Variants in IL34 observed in about 807,000 individuals in gnomAD.
IL34 encodes interleukin-34.
IL34 carries 17 observed loss-of-function variants against 25.3 expected under a neutral mutation model. That is an observed-to-expected ratio of 0.67 (90% CI 0.46 to 1.01). The LOEUF is 1.01. Ranked by LOEUF, IL34 falls within the 50% of genes least tolerant of loss-of-function variation. The probability of loss-of-function intolerance (pLI) is 0.00; values close to 1 mark genes in which losing one functional copy is unlikely to be tolerated. For synonymous variants in IL34, 174 were observed against 140.9 expected (o/e 1.23, Z -1.66); for missense variants, 368 against 312.9 (o/e 1.18, Z -1.33).
chr16:70,586,119 A>G (rs909847231), intron 1 of IL34, among the ~76,000 whole-genome samples: 1 of 152,132 alleles, frequency 6.6e-6, no homozygotes, highest in Admixed American at 6.5e-5. Context: ...GGCATGAGCC[A>G]CCGCCCCCAG....
intron 1 of IL34, among the ~76,000 whole-genome samples, chr16:70,592,120 C>G (rs1269793698): frequency 6.6e-6 from 1 of 151,974 alleles, no homozygotes; most frequent in African/African-American, 2.4e-5. Context: ...CTTGTCTCTA[C>G]CATACTGGGT....
At chr16:70,634,734 C>G (rs981739653) in intron 1 of IL34, among the ~76,000 whole-genome samples, 7 of 151,958 alleles carry the variant, frequency 4.6e-5, no homozygotes, top group Admixed American at 1.3e-4. Flanking sequence ...CAGTCAGATC[C>G]TTACCACCAC....
chr16:70,586,112 A>G (rs894184659), intron 1 of IL34, among the ~76,000 whole-genome samples: 33 of 152,110 alleles, frequency 2.2e-4, no homozygotes, highest in African/African-American at 7.7e-4. Context: ...GATTACAGGC[A>G]TGAGCCACCG....
intron 3 of IL34, 87 bp downstream of exon 3, chr16:70,656,766 G>T (rs2052235081): frequency 2.1e-6 from 2 of 954,774 alleles, no homozygotes; most frequent in African/African-American, 3.2e-5. Context: ...GGACTGGCAG[G>T]TGGTGCTGCT....
At chr16:70,609,951 C>A (rs1467201105) in intron 1 of IL34, among the ~76,000 whole-genome samples, 1 of 152,188 alleles carries the variant, frequency 6.6e-6, no homozygotes, top group African/African-American at 2.4e-5. Flanking sequence ...TGCCTGTAAT[C>A]CCAGCACTTT....
At chr16:70,632,101 CAAAAAAA>C (rs71151199) in intron 1 of IL34, among the ~76,000 whole-genome samples, 1 of 106,746 alleles carries the variant, frequency 9.4e-6, no homozygotes, top group Non-Finnish European at 1.9e-5. Context: ...GACCCTGTCT[CAAAAAAA>C]AAAAAAAAAA....
Position 70,646,917 on chromosome 16 carries a change from C to A in IL34, c.-31C>A. 1 of 1,481,314 alleles carries A rather than the reference C, an allele frequency of 6.8e-7. No individual in the cohort carries two copies. Among genetic ancestry groups the A allele is most frequent in the South Asian group, 1.4e-5 (1 of 73,090 alleles). 91.8% of individuals were successfully genotyped at this position (1,481,314 alleles called of 1,614,324 possible). A position where few individuals can be genotyped will look rare whatever the true frequency, so the allele number is the denominator to read the frequency against. The stretch of plus-strand genomic sequence containing the variant: ...GTGGACACACTGCTGGGGACGGCGC[C>A]TGAGCTCTCAGGGGGACGAGGAACA... On this transcript the variant is annotated 5_prime_UTR_variant, in exon 1 of 6. It adds an upstream start codon to the 5' untranslated region. Coordinates refer to ENST00000288098, the MANE Select transcript of IL34 (RefSeq NM_001393494.1).
At chr16:70,655,357 T>C (rs1282178852) in intron 2 of IL34, among the ~76,000 whole-genome samples, 3 of 151,646 alleles carry the variant, frequency 2.0e-5, no homozygotes, top group Non-Finnish European at 4.4e-5. Flanking sequence ...GGCCCTTTTT[T>C]TTTCTTTTTA....
intron 1 of IL34, among the ~76,000 whole-genome samples, chr16:70,614,183 CAAAA>C (rs35356831): frequency 1.5e-5 from 2 of 131,120 alleles, no homozygotes; most frequent in Non-Finnish European, 1.6e-5. Context: ...AACCCTGTCT[CAAAA>C]AAAAAAAAAA....
At chr16:70,615,233 G>C (rs1358796203) in intron 1 of IL34, among the ~76,000 whole-genome samples, 1 of 152,206 alleles carries the variant, frequency 6.6e-6, no homozygotes, top group Non-Finnish European at 1.5e-5. Context: ...CACTGGCCAG[G>C]TGTGGTGGCT....
chr16:70,650,124 C>G lies in IL34; in HGVS notation c.28+3149C>G, dbSNP rs556906653. The stretch of plus-strand genomic sequence containing the variant: ...TGTGTTGTGGGTTCTTACCTCTGGG[C>G]TAAGACAAGGGCAGGGTGGGTCTCC... On this transcript the variant is annotated intron_variant, in intron 1 of 5. Coordinates refer to ENST00000288098, the MANE Select transcript of IL34 (RefSeq NM_001393494.1). Among the ~76,000 whole-genome samples, 4 of 152,222 alleles carry G rather than the reference C, an allele frequency of 2.6e-5. No homozygotes were observed. In the South Asian group the frequency reaches 8.3e-4, roughly 32 times the overall value.
At chr16:70,625,879 T>C (rs901415068) in intron 1 of IL34, among the ~76,000 whole-genome samples, 3 of 152,150 alleles carry the variant, frequency 2.0e-5, no homozygotes, top group African/African-American at 7.2e-5. Context: ...GATTTGAAAT[T>C]GGTGAGATGT....
chr16:70,614,559 C>A (rs1333636049), intron 1 of IL34, among the ~76,000 whole-genome samples: 2 of 152,158 alleles, frequency 1.3e-5, no homozygotes, highest in Admixed American at 6.5e-5. Context: ...GAACACGGAA[C>A]CTGTTTTGTT....
At chr16:70,622,636 G>A (rs1418409281) in intron 1 of IL34, among the ~76,000 whole-genome samples, 25 of 152,026 alleles carry the variant, frequency 1.6e-4, no homozygotes, top group Admixed American at 1.6e-3. Context: ...GAGAGATACA[G>A]TCATGGGGGT....
chr16:70,637,672 TA>T lies in IL34; in HGVS notation c.-400-8874del, dbSNP rs376993629. On this transcript the variant is annotated intron_variant, in intron 1 of 6. Transcript: ENST00000429149. The stretch of plus-strand genomic sequence containing the variant: ...GTTAATTTCTATATGTGGTATGAGA[TA>T]AGGGTTGAGTTTAATTTTTTATATA... 1.5e-3 allele frequency among the ~76,000 whole-genome samples: 231 copies of T among 152,302 alleles called. 3 individuals are homozygous for T. The highest frequency in any genetic ancestry group is 5.1e-3 in the African/African-American group (210 of 41,570).
chr16:70,638,414 C>G (rs536245812), intron 1 of IL34, among the ~76,000 whole-genome samples: 168 of 148,640 alleles, frequency 1.1e-3, no homozygotes, highest in Middle Eastern at 0.011. Flanking sequence ...GAGTTTGAGG[C>G]AACAGAGTGA....
chr16:70,593,689 T>C (rs2050782478), intron 1 of IL34, among the ~76,000 whole-genome samples: 1 of 152,042 alleles, frequency 6.6e-6, no homozygotes, highest in African/African-American at 2.4e-5. Flanking sequence ...GCTATTTTTT[T>C]TGTATTTTTT....
At chr16:70,614,817 G>C (rs921089545) in intron 1 of IL34, among the ~76,000 whole-genome samples, 3 of 152,212 alleles carry the variant, frequency 2.0e-5, no homozygotes, top group African/African-American at 7.2e-5. Context: ...GATTATAAAT[G>C]ACAGAGGCTC....
chr16:70,587,803 C>T (rs370884593), intron 1 of IL34, among the ~76,000 whole-genome samples: 2 of 151,864 alleles, frequency 1.3e-5, no homozygotes, highest in African/African-American at 4.8e-5. Flanking sequence ...CTTTGGGAGG[C>T]CGAGGCGAGC....
Sources: gnomAD v4.1 joint callset for allele counts (sites outside exome capture counted in the v4.1 genomes callset) on GRCh38, gnomAD v4.1.1 for gene constraint, MANE v1.5 for transcripts, NCBI Gene and HGNC (gene_info 2026-07-23, HGNC 2026-07-21) for gene names.